Variants in PTPRF observed in about 807,000 individuals in gnomAD.
PTPRF encodes the protein receptor-type tyrosine-protein phosphatase F.
Under a neutral mutation model 201.8 loss-of-function variants are expected in PTPRF, and 59 were observed. That is an observed-to-expected ratio of 0.29 (90% confidence interval 0.24 to 0.36). The LOEUF is 0.36. Ranked by LOEUF, PTPRF falls within the 10% of genes least tolerant of loss-of-function variation. The probability of loss-of-function intolerance (pLI) is 1.00; values close to 1 mark genes in which losing one functional copy is unlikely to be tolerated. For synonymous variants in PTPRF, 1,088 were observed against 1,089.7 expected (o/e 1.00, Z 0.03); for missense variants, 2,132 against 2,690.5 (o/e 0.79, Z 4.59).
chr1:43,596,623 G>A (rs984343637), intron 11 of PTPRF, among the ~76,000 whole-genome samples: 2 of 152,158 alleles, frequency 1.3e-5, no homozygotes, highest in Non-Finnish European at 2.9e-5. Context: ...ATTACCTGTG[G>A]CACTGGCAAA....
At chr1:43,616,130 G>A (rs1392022566) in intron 23 of PTPRF, among the ~76,000 whole-genome samples, 1 of 151,812 alleles carries the variant, frequency 6.6e-6, no homozygotes, top group Admixed American at 6.6e-5. Context: ...GCAGTGACGC[G>A]GTCCTGTGGA....
At chr1:43,598,515 G>T in intron 12 of PTPRF, 1 of 576,266 alleles carries the variant, frequency 1.7e-6, no homozygotes, top group Non-Finnish European at 3.0e-6. Flanking sequence ...CAGAGGGGTG[G>T]GCAGGGCCAG....
In PTPRF at chr1:43,609,425, C is replaced by A; in HGVS notation, c.3900C>A (p.Ile1300=). 6.2e-7 allele frequency: 1 copy of A among 1,614,086 alleles called. No homozygotes were observed. Among genetic ancestry groups the A allele is most frequent in the South Asian group, 1.1e-5 (1 of 91,070 alleles). Residue 1300 remains isoleucine, a synonymous_variant, in exon 22 of 34, where the codon ATC becomes ATA. Coordinates refer to ENST00000359947, the MANE Select transcript of PTPRF (RefSeq NM_002840.5). ...HSPSSKDEQS[I]GLKDSLLAHS... Reference sequence around the variant, plus strand: ...CGTCCTCTAAGGATGAGCAGTCGATCGGACTGAAGGACTCCTTGCTGGCCC... The same window carrying A: ...CGTCCTCTAAGGATGAGCAGTCGATAGGACTGAAGGACTCCTTGCTGGCCC...
Position 43,553,782 on chromosome 1 carries a change from A to G in PTPRF, c.238-18A>G, listed in dbSNP as rs745845242. 7 of 1,614,040 alleles carry G rather than the reference A, an allele frequency of 4.3e-6. No individual in the cohort carries two copies. The highest frequency in any genetic ancestry group is 5.9e-6 in the Non-Finnish European group (7 of 1,179,992). On this transcript the variant is annotated intron_variant, in intron 4 of 33. Transcript: ENST00000359947. The surrounding 1 kb of genome is among the most constrained non-coding windows in gnomAD (Gnocchi z 4.1). ...TGTGTCCTGAGTAGGCTGTGACCCCATGTCTGTCCTCTGACAGGTCATTGA... is the reference window on the plus strand; with the variant it reads ...TGTGTCCTGAGTAGGCTGTGACCCCGTGTCTGTCCTCTGACAGGTCATTGA...
chr1:43,621,202 T>G lies in PTPRF; in HGVS notation c.5625T>G (p.Arg1875=), dbSNP rs201668605. The G allele has an allele frequency of 3.1e-6, 5 of 1,614,178 alleles. No homozygotes were observed. Among genetic ancestry groups the G allele is most frequent in the Non-Finnish European group, 4.2e-6 (5 of 1,180,004 alleles). The change falls in exon 33 of 34, where the codon CGT becomes CGG. Residue 1875 remains arginine (R), a synonymous_variant. Transcript: ENST00000359947. ...VDMFQTVKTL[R]TQRPAMVQTE... The stretch of plus-strand genomic sequence containing the variant: ...TGTTTCAGACCGTGAAGACCCTGCG[T>G]ACACAGCGTCCTGCCATGGTGCAGA...
rs116367712 is a variant in PTPRF, at chr1:43,545,853, C to T, written c.91+687C>T. Among the ~76,000 whole-genome samples the T allele has an allele frequency of 3.9e-3, 597 of 152,296 alleles. 5 individuals are homozygous for T. Among genetic ancestry groups the T allele is most frequent in the African/African-American group, 0.014 (573 of 41,558 alleles). On this transcript the variant is annotated intron_variant, in intron 3 of 33. Coordinates refer to ENST00000359947, the MANE Select transcript of PTPRF (RefSeq NM_002840.5). The stretch of plus-strand genomic sequence containing the variant: ...AATTGTCCCCATCCAGATCCAACTC[C>T]GAACTTTGGTCCCTTTCCTGCTGCC...
Position 43,588,653 on chromosome 1 carries a change from T to C in PTPRF, c.680-78T>C, listed in dbSNP as rs115040581. On this transcript the variant is annotated intron_variant, in intron 7 of 33. Coordinates refer to ENST00000359947, the MANE Select transcript of PTPRF (RefSeq NM_002840.5). This position sits in a 1 kb window ranked among gnomAD's most constrained non-coding sequence, Gnocchi z 5.3. ...TTTGGCTCTGACCAGAGGGGCTTCC[T>C]GAATGAGGGGCCCCTGCCCTTCCAT... 1.4e-3 allele frequency: 2,138 copies of C among 1,557,736 alleles called. 20 individuals are homozygous for C. The African/African-American group carries it at 0.026, about 19-fold the overall frequency.
At chr1:43,579,248 G>A (rs752881036) in intron 7 of PTPRF, 3 of 557,258 alleles carry the variant, frequency 5.4e-6, no homozygotes, top group South Asian at 3.1e-5. Context: ...GTATGTGCAT[G>A]TGTGTGTGCA....
rs1287440506 is a variant in PTPRF at position 43,553,819 on chromosome 1, G to A, written c.257G>A (p.Gly86Glu). The A allele has an allele frequency of 8.7e-6, 14 of 1,614,084 alleles. No individual in the cohort carries two copies. The highest frequency in any genetic ancestry group is 1.1e-5 in the Non-Finnish European group (13 of 1,180,050). ...QRFEVIEFDD[G>E]AGSVLRIQPL... is the part of the protein sequence containing the mutation. ...TGACAGGTCATTGAGTTTGATGATG[G>A]GGCAGGGTCAGTGCTTCGGATCCAG... is the stretch of plus-strand genomic sequence containing the variant. The change falls in exon 5 of 34, where the codon GGG becomes GAG. Residue 86 changes from glycine (G) to glutamate (E), a missense_variant. Around this residue, in one of 6 missense-constraint regions of PTPRF, gnomAD observed 297 missense variants for 454.0 expected, o/e 0.65. Coordinates refer to ENST00000359947, the MANE Select transcript of PTPRF (RefSeq NM_002840.5). This position sits in a 1 kb window ranked among gnomAD's most constrained non-coding sequence, Gnocchi z 4.1.
At chr1:43,582,212 ACCAGGCACATTG>A (rs1437092648) in intron 7 of PTPRF, among the ~76,000 whole-genome samples, 1 of 152,226 alleles carries the variant, frequency 6.6e-6, no homozygotes, top group East Asian at 1.9e-4. Flanking sequence ...CACGTGAAGC[ACCAGGCACATTG>A]CCAGGCACAC....
At chr1:43,581,004 A>C (rs958750406) in intron 7 of PTPRF, among the ~76,000 whole-genome samples, 8 of 152,252 alleles carry the variant, frequency 5.3e-5, no homozygotes, top group Non-Finnish European at 1.2e-4. Context: ...CATTCTCTGA[A>C]GTCACTGTTA....
rs143573886 is a variant in PTPRF at position 43,571,079 on chromosome 1, C to T, written c.568+1301C>T. Among the ~76,000 whole-genome samples the T allele has an allele frequency of 4.1e-3, 623 of 152,298 alleles. 1 individual carries two copies. Among genetic ancestry groups the T allele is most frequent in the Middle Eastern group, 6.8e-3 (2 of 294 alleles). On this transcript the variant is annotated intron_variant, in intron 6 of 33. Coordinates refer to ENST00000359947, the MANE Select transcript of PTPRF (RefSeq NM_002840.5). ...AAGGCTCGCTCACACATTGGTTCAT[C>T]TAGTATTTATATAGTGCTTGGGGTG...
At chr1:43,576,562 T>C (rs1283161784) in intron 6 of PTPRF, among the ~76,000 whole-genome samples, 3 of 152,224 alleles carry the variant, frequency 2.0e-5, no homozygotes, top group Admixed American at 2.0e-4. Context: ...AGCAGGGCCC[T>C]GCAGCCTAAG....
In PTPRF at chr1:43,619,382, A is replaced by T; in HGVS notation, c.4741A>T (p.Thr1581Ser). The change falls in exon 28 of 34, where the codon ACC becomes TCC. Residue 1581 changes from threonine to serine, a missense_variant. Around this residue, in one of 6 missense-constraint regions of PTPRF, gnomAD observed 519 missense variants for 659.5 expected, o/e 0.79. Coordinates refer to ENST00000359947, the MANE Select transcript of PTPRF (RefSeq NM_002840.5). ...GACGGTGGACATCTATGGCCACGTGACCTGCATGCGATCACAGAGGAACTA... is the reference window on the plus strand; with the variant it reads ...GACGGTGGACATCTATGGCCACGTGTCCTGCATGCGATCACAGAGGAACTA... ...EKTVDIYGHV[T>S]CMRSQRNYMV... 1 of 1,614,096 alleles carries T rather than the reference A, an allele frequency of 6.2e-7. No homozygotes were observed.
At position 43,553,681 on chromosome 1, in the gene PTPRF, C is replaced by T. The variant is rs1357382438; in HGVS notation, c.237+44C>T. 8 of 1,611,550 alleles carry T rather than the reference C, an allele frequency of 5.0e-6. No homozygotes were observed. Among genetic ancestry groups the T allele is most frequent in the Non-Finnish European group, 6.8e-6 (8 of 1,178,640 alleles). ...GGGGTCGGCAGGGCTCAGGGTCTGC[C>T]CACACTCTCTCCTTTCAGTGTCCCT... On this transcript the variant is annotated intron_variant, in intron 4 of 33. Coordinates refer to ENST00000359947, the MANE Select transcript of PTPRF (RefSeq NM_002840.5). The surrounding 1 kb of genome is among the most constrained non-coding windows in gnomAD (Gnocchi z 4.1).
chr1:43,578,555 C>T (rs896649908), intron 6 of PTPRF, among the ~76,000 whole-genome samples: 10 of 152,140 alleles, frequency 6.6e-5, no homozygotes, highest in African/African-American at 2.4e-4. Context: ...CAGTCCCTGG[C>T]AGAGCAAAGG....
At chr1:43,573,171 G>GAC (rs763853122) in intron 6 of PTPRF, among the ~76,000 whole-genome samples, 2 of 152,148 alleles carry the variant, frequency 1.3e-5, no homozygotes, top group Non-Finnish European at 2.9e-5. Context: ...TGGAACTTGA[G>GAC]ACCGGGGTAG....
Position 43,621,994 on chromosome 1 carries a change from T to C in PTPRF, c.5715T>C (p.Tyr1905=), listed in dbSNP as rs779992793. 4 of 1,614,116 alleles carry C rather than the reference T, an allele frequency of 2.5e-6. No homozygotes were observed. Among genetic ancestry groups the C allele is most frequent in the Admixed American group, 1.7e-5 (1 of 60,030 alleles). ...AGTACCTCGGCAGCTTTGACCACTATGCAACGTAACTACCGCTCCCCTCTC... is the reference window on the plus strand; with the variant it reads ...AGTACCTCGGCAGCTTTGACCACTACGCAACGTAACTACCGCTCCCCTCTC... ...ALEYLGSFDH[Y]AT is the part of the protein sequence containing the mutation. Residue 1905 remains tyrosine, a synonymous_variant, in exon 34 of 34, where the codon TAT becomes TAC. Transcript: ENST00000359947.
In PTPRF at chr1:43,603,030, G is replaced by C. The variant is rs1234581060; in HGVS notation, c.2341-386G>C. Among the ~76,000 whole-genome samples, 2 of 152,206 alleles carry C rather than the reference G, an allele frequency of 1.3e-5. No homozygotes were observed. The highest frequency in any genetic ancestry group is 2.9e-5 in the Non-Finnish European group (2 of 68,036). On this transcript the variant is annotated intron_variant, in intron 14 of 33. Coordinates refer to ENST00000359947, the MANE Select transcript of PTPRF (RefSeq NM_002840.5). The surrounding 1 kb of genome is among the most constrained non-coding windows in gnomAD (Gnocchi z 5.8). ...GGCAGCCTTACGCCTGCTTATGCAG[G>C]AGCTGTAGGCTGTGTGCGTGTGGCT...
Sources: gnomAD v4.1 joint callset for allele counts (sites outside exome capture counted in the v4.1 genomes callset) on GRCh38, gnomAD v4.1.1 for gene constraint, gnomAD v4.1.1 regional missense constraint, Gnocchi (gnomAD v3.1) non-coding constraint, MANE v1.5 for transcripts, NCBI Gene and HGNC (gene_info 2026-07-23, HGNC 2026-07-21) for gene names.